IQCM: variants seen among roughly 807,000 people sequenced by gnomAD.
IQCM encodes the protein IQ motif containing M.
IQCM carries 45 observed loss-of-function variants against 57.6 expected under a neutral mutation model. The ratio of observed to expected loss-of-function variants is 0.78; its 90% CI spans 0.62 to 1.00. The LOEUF is 1.00. Among genes scored for constraint, IQCM ranks in the 50% least tolerant of loss-of-function variants. The pLI is 0.00. For missense variants in IQCM, 468 were observed against 511.6 expected (o/e 0.91, Z 0.82); for synonymous variants, 148 against 158.9 (o/e 0.93, Z 0.51).
chr4:149,390,400 C>T (rs1377270289), intron 13 of IQCM, among the ~76,000 whole-genome samples: 2 of 151,038 alleles, frequency 1.3e-5, no homozygotes, highest in South Asian at 2.1e-4. Context: ...CTTCCTTCTC[C>T]ATCTGGATAT....
At chr4:149,548,992 T>A (rs1400398282) in intron 11 of IQCM, among the ~76,000 whole-genome samples, 1 of 152,224 alleles carries the variant, frequency 6.6e-6, no homozygotes, top group East Asian at 1.9e-4. Context: ...ACTCACATTC[T>A]AACTACTTAA....
intron 9 of IQCM, 144 bp downstream of exon 9, chr4:149,587,786 G>A (rs1579594425): frequency 2.5e-6 from 1 of 392,160 alleles, no homozygotes; most frequent in African/African-American, 2.1e-5. Flanking sequence ...CAAATTAAAA[G>A]GCCACATTGA....
At chr4:149,383,148 G>A (rs1392277683) in intron 13 of IQCM, among the ~76,000 whole-genome samples, 1 of 152,020 alleles carries the variant, frequency 6.6e-6, no homozygotes, top group Non-Finnish European at 1.5e-5. Flanking sequence ...AATTTCTTGT[G>A]TCTTCATACT....
intron 12 of IQCM, among the ~76,000 whole-genome samples, chr4:149,461,256 A>T (rs1251479305): frequency 6.9e-6 from 1 of 144,506 alleles, no homozygotes; most frequent in Non-Finnish European, 1.5e-5. Flanking sequence ...AAAAAAAAAA[A>T]TTCATCAAAG....
chr4:149,589,158 G>A (rs563695835), intron 8 of IQCM, among the ~76,000 whole-genome samples: 102 of 152,008 alleles, frequency 6.7e-4, no homozygotes, highest in Non-Finnish European at 1.2e-3. Context: ...GACAATTTTT[G>A]TATAAAATAG....
chr4:149,376,146 A>G (rs541165214), intron 13 of IQCM, among the ~76,000 whole-genome samples: 1 of 152,246 alleles, frequency 6.6e-6, no homozygotes, highest in African/African-American at 2.4e-5. Flanking sequence ...GTTTTCATAC[A>G]TTTTGATTTT....
At chr4:149,552,854 G>C (rs1170115494) in intron 11 of IQCM, among the ~76,000 whole-genome samples, 1 of 152,178 alleles carries the variant, frequency 6.6e-6, no homozygotes, top group Non-Finnish European at 1.5e-5. Flanking sequence ...GATCTCTGAA[G>C]CAGTTGTGTT....
At chr4:149,352,976 G>T (rs1388935588) in intron 13 of IQCM, among the ~76,000 whole-genome samples, 4 of 151,980 alleles carry the variant, frequency 2.6e-5, no homozygotes, top group Non-Finnish European at 5.9e-5. Flanking sequence ...ATTATAAGAA[G>T]AATAATCAAC....
intron 12 of IQCM, among the ~76,000 whole-genome samples, chr4:149,492,287 C>T (rs1742175752): frequency 6.6e-6 from 1 of 152,048 alleles, no homozygotes; most frequent in African/African-American, 2.4e-5. Context: ...AATTTTCTTG[C>T]ACAACTTTGG....
chr4:149,374,105 G>A (rs892962676), intron 13 of IQCM, among the ~76,000 whole-genome samples: 4 of 152,200 alleles, frequency 2.6e-5, no homozygotes, highest in East Asian at 3.9e-4. Context: ...ATCCCCACCT[G>A]GGGTATGTTC....
intron 7 of IQCM, among the ~76,000 whole-genome samples, chr4:149,621,821 G>A (rs1228783984): frequency 2.2e-4 from 34 of 151,664 alleles, no homozygotes; most frequent in Admixed American, 2.0e-3. Flanking sequence ...TTTAATCATA[G>A]GAAAGAGATT....
At chr4:149,608,871 C>A (rs953152569) in intron 8 of IQCM, among the ~76,000 whole-genome samples, 5 of 150,866 alleles carry the variant, frequency 3.3e-5, no homozygotes, top group Non-Finnish European at 5.9e-5. Context: ...CAAATCAAAG[C>A]CAAAATTAAT....
At chr4:149,508,632 G>A (rs1744079581) in intron 12 of IQCM, among the ~76,000 whole-genome samples, 2 of 152,200 alleles carry the variant, frequency 1.3e-5, no homozygotes, top group African/African-American at 4.8e-5. Flanking sequence ...ACTTGTGTTT[G>A]ACTTATAGGC....
chr4:149,527,281 A>C (rs1341503474), intron 12 of IQCM, among the ~76,000 whole-genome samples: 1 of 152,204 alleles, frequency 6.6e-6, no homozygotes, highest in Non-Finnish European at 1.5e-5. Context: ...TATATGTGAC[A>C]TGTATTTCCC....
chr4:149,556,237 A>C (rs1749566369), intron 10 of IQCM, among the ~76,000 whole-genome samples: 1 of 152,028 alleles, frequency 6.6e-6, no homozygotes, highest in South Asian at 2.1e-4. Flanking sequence ...TATTATACTT[A>C]TCAACATTTA....
Position 149,733,244 on chromosome 4 carries a change from C to G in IQCM, c.385G>C (p.Gly129Arg). The G allele has an allele frequency of 8.1e-7, 1 of 1,231,524 alleles. No individual in the cohort carries two copies. The highest frequency in any genetic ancestry group is 3.2e-5 in the East Asian group (1 of 31,692). The allele number at this position is 1,231,524 out of a possible 1,614,324, so 76.3% of individuals were successfully genotyped here. Residue 129 changes from glycine (G) to arginine (R), a missense_variant and splice_region_variant, in exon 5 of 14, where the codon GGA (glycine) becomes CGA (arginine). By Grantham distance (125) the Gly-to-Arg change is moderately radical. Transcript: ENST00000636793. ...TTTCTTCACTCCACCAAAAACTTAC[C>G]TTTTGTAATTAGATCTATGGGCCTG... ...RCRPIDLITKGQVKLDKIMTI... is the reference protein window; with the variant it reads ...RCRPIDLITKRQVKLDKIMTI...
At chr4:149,510,422 A>G (rs1373110354) in intron 12 of IQCM, among the ~76,000 whole-genome samples, 1 of 152,198 alleles carries the variant, frequency 6.6e-6, no homozygotes, top group Non-Finnish European at 1.5e-5. Flanking sequence ...ATCATGTCAT[A>G]GCCATACACT....
intron 9 of IQCM, among the ~76,000 whole-genome samples, chr4:149,583,220 T>C (rs1183286393): frequency 1.3e-5 from 2 of 151,612 alleles, no homozygotes; most frequent in African/African-American, 4.8e-5. Context: ...ATAATAATAT[T>C]TGAAATTCTA....
intron 13 of IQCM, among the ~76,000 whole-genome samples, chr4:149,400,194 C>T (rs1732516888): frequency 6.7e-6 from 1 of 150,280 alleles, no homozygotes; most frequent in South Asian, 2.1e-4. Context: ...CCTGGGACAT[C>T]AGGAATAGGT....
Sources: allele counts gnomAD v4.1 joint callset (sites outside exome capture counted in the v4.1 genomes callset), GRCh38; gene constraint gnomAD v4.1.1; transcripts MANE v1.5; gene names NCBI Gene and HGNC (gene_info 2026-07-23, HGNC 2026-07-21).